Variants in STPG4 observed in about 807,000 individuals in gnomAD.
STPG4 encodes the protein sperm-tail PG-rich repeat containing 4.
In STPG4, 41 loss-of-function variants were observed where a neutral mutation model predicts 31.5. The ratio of observed to expected loss-of-function variants is 1.30; its 90% CI spans 1.01 to 1.69. The LOEUF (loss-of-function observed/expected upper bound fraction) is 1.69. Ranked by LOEUF, STPG4 falls within the 40% of genes most tolerant of loss-of-function variation. STPG4 has a pLI of 0.00. For synonymous variants in STPG4, 141 were observed against 103.0 expected (o/e 1.37, Z -2.24); for missense variants, 375 against 293.4 (o/e 1.28, Z -2.03).
chr2:47,115,353 C>A (rs1686123813), intron 5 of STPG4, among the ~76,000 whole-genome samples: 1 of 152,184 alleles, frequency 6.6e-6, no homozygotes, highest in Admixed American at 6.5e-5. Context: ...CCCATGCCTT[C>A]CTCTTTCTGG....
intron 3 of STPG4, among the ~76,000 whole-genome samples, chr2:47,148,997 A>G (rs1004756863): frequency 6.6e-6 from 1 of 152,248 alleles, no homozygotes; most frequent in Non-Finnish European, 1.5e-5. Context: ...GTATAACAAT[A>G]ATACATACTA....
At chr2:47,126,476 G>T (rs1375099269) in intron 5 of STPG4, among the ~76,000 whole-genome samples, 1 of 152,002 alleles carries the variant, frequency 6.6e-6, no homozygotes, top group Non-Finnish European at 1.5e-5. Context: ...ACAGGTGCAT[G>T]CCATCATGCC....
At chr2:47,096,967 C>T (rs370363675) in intron 5 of STPG4, among the ~76,000 whole-genome samples, 5 of 151,930 alleles carry the variant, frequency 3.3e-5, no homozygotes, top group South Asian at 4.2e-4. Context: ...GGGGAGGCCA[C>T]GGGGAGAGGC....
intron 5 of STPG4, among the ~76,000 whole-genome samples, chr2:47,127,812 G>C (rs1420860856): frequency 1.3e-5 from 2 of 152,168 alleles, no homozygotes; most frequent in African/African-American, 2.4e-5. Flanking sequence ...TCACATATCT[G>C]TGTCACTCTG....
At chr2:47,090,399 T>C in intron 5 of STPG4, 25 bp from the exon 6 acceptor site, 2 of 1,415,874 alleles carry the variant, frequency 1.4e-6, no homozygotes, top group Non-Finnish European at 9.8e-7. Flanking sequence ...AAAAATTGCT[T>C]CATTATTATT....
chr2:47,107,482 G>A (rs958124928), intron 5 of STPG4, among the ~76,000 whole-genome samples: 4 of 152,174 alleles, frequency 2.6e-5, no homozygotes, highest in South Asian at 2.1e-4. Flanking sequence ...CCAGTGCTGC[G>A]CTCGGTTTCT....
chr2:47,096,315 T>A (rs976514625), intron 5 of STPG4, among the ~76,000 whole-genome samples: 1 of 152,150 alleles, frequency 6.6e-6, no homozygotes, highest in African/African-American at 2.4e-5. Flanking sequence ...GAGACGCCTC[T>A]CAAGGAAGTA....
At chr2:47,087,270 C>T in intron 6 of STPG4, 140 bp from the exon 7 acceptor site, 1 of 893,164 alleles carries the variant, frequency 1.1e-6, no homozygotes. Context: ...TGGGCTGAAG[C>T]CTGGCAGACC....
chr2:47,111,825 A>C (rs1686042448), intron 5 of STPG4, among the ~76,000 whole-genome samples: 1 of 152,248 alleles, frequency 6.6e-6, no homozygotes, highest in Non-Finnish European at 1.5e-5. Flanking sequence ...AAAATAACGT[A>C]AATAGCCAAT....
In STPG4 at chr2:47,109,112, C is replaced by G. The variant is rs114518216; in HGVS notation, c.520-18738G>C. On this transcript the variant is annotated intron_variant, in intron 5 of 6. Coordinates refer to ENST00000445927, the MANE Select transcript of STPG4 (RefSeq NM_001163561.2). ...ACCAATACATTCACTCTTCTGTTTC[C>G]AGTCAAGAAATTGTTATAAGAAAGT... 5.6e-3 allele frequency among the ~76,000 whole-genome samples: 850 copies of G among 152,306 alleles called. 7 individuals carry two copies. The highest frequency in any genetic ancestry group is 0.019 in the African/African-American group (807 of 41,556).
intron 5 of STPG4, among the ~76,000 whole-genome samples, chr2:47,114,284 C>G (rs115832445): frequency 5.9e-5 from 9 of 151,976 alleles, no homozygotes; most frequent in Admixed American, 2.6e-4. Flanking sequence ...GTGGGCAGAT[C>G]GCTTGAGGCC....
chr2:47,135,937 A>G (rs2103787844), intron 3 of STPG4, among the ~76,000 whole-genome samples: 1 of 151,922 alleles, frequency 6.6e-6, no homozygotes, highest in East Asian at 1.9e-4. Flanking sequence ...TAACTTTGCT[A>G]TTCTCCTTCA....
chr2:47,106,498 T>C (rs1685914446), intron 5 of STPG4, among the ~76,000 whole-genome samples: 1 of 151,890 alleles, frequency 6.6e-6, no homozygotes, highest in African/African-American at 2.4e-5. Context: ...CTCAGACAGT[T>C]TGCAAGAAAT....
At chr2:47,089,986 T>A (rs115487133) in intron 6 of STPG4, among the ~76,000 whole-genome samples, 4,836 of 152,306 alleles carry the variant, frequency 0.032, 94 homozygotes, top group Non-Finnish European at 0.044. Context: ...GTTGGTAACA[T>A]TGATGGCTGA....
rs57475505 is a variant in STPG4 at position 47,127,252 on chromosome 2, CTTTTTTTTTTTTTTTTT to C, written c.519+2672_519+2688del. ...CAAATAGCTTGTCTTCAAGCTAATTCTTTTTTTTTTTTTTTTTTTTTTTTTTTTTTTTTTGAGACAGA... is the reference window on the plus strand; with the variant it reads ...CAAATAGCTTGTCTTCAAGCTAATTCTTTTTTTTTTTTTTTTTGAGACAGA... On this transcript the variant is annotated intron_variant, in intron 5 of 6. Transcript: ENST00000445927. Among the ~76,000 whole-genome samples, 386 of 57,524 alleles carry C rather than the reference CTTTTTTTTTTTTTTTTT, an allele frequency of 6.7e-3. 8 individuals are homozygous for C. The highest frequency in any genetic ancestry group is 0.036 in the African/African-American group (353 of 9,718). 37.7% of individuals were successfully genotyped at this position (57,524 alleles called of 152,430 possible). A position where few individuals can be genotyped will look rare whatever the true frequency, so the allele number is the denominator to read the frequency against.
At chr2:47,139,812 A>G (rs560434025) in intron 3 of STPG4, among the ~76,000 whole-genome samples, 26 of 152,086 alleles carry the variant, frequency 1.7e-4, no homozygotes, top group African/African-American at 5.5e-4. Flanking sequence ...TTTGCATAGT[A>G]TATCTTTCTC....
In STPG4 at chr2:47,151,503, G is replaced by T. The variant is rs1249636853; in HGVS notation, c.154C>A (p.Pro52Thr). 2.5e-6 allele frequency: 4 copies of T among 1,613,644 alleles called. No homozygotes were observed. The South Asian group carries it at 3.3e-5, about 13-fold the overall frequency. ...WRIALTDTPI[P>T]GTYHLKTFIE... is the part of the protein sequence containing the mutation. ...AAAGTTTTCAAGTGGTAAGTGCCAG[G>T]TATAGGAGTATCCTGTGGAAAATTG... Residue 52 changes from proline to threonine, a missense_variant, in exon 3 of 7, where the codon CCT becomes ACT. Coordinates refer to ENST00000445927, the MANE Select transcript of STPG4 (RefSeq NM_001163561.2).
chr2:47,106,979 C>T (rs1411064344), intron 5 of STPG4, among the ~76,000 whole-genome samples: 1 of 152,014 alleles, frequency 6.6e-6, no homozygotes, highest in Non-Finnish European at 1.5e-5. Context: ...GAGACCTCCC[C>T]TCTGGAGGAC....
Position 47,096,541 on chromosome 2 carries a change from G to A in STPG4, c.520-6167C>T, listed in dbSNP as rs138789628. 5.8e-3 allele frequency among the ~76,000 whole-genome samples: 881 copies of A among 152,314 alleles called. 4 individuals are homozygous for A. Among genetic ancestry groups the A allele is most frequent in the Non-Finnish European group, 7.9e-3 (537 of 68,030 alleles). On this transcript the variant is annotated intron_variant, in intron 5 of 6. Coordinates refer to ENST00000445927, the MANE Select transcript of STPG4 (RefSeq NM_001163561.2). ...ACCAAAGAACAGATGATTAGTGGTC[G>A]CCGAGATATCTTCATCTGTGTGCAA...
Sources: allele counts gnomAD v4.1 joint callset (sites outside exome capture counted in the v4.1 genomes callset), GRCh38; gene constraint gnomAD v4.1.1; transcripts MANE v1.5; gene names NCBI Gene and HGNC (gene_info 2026-07-23, HGNC 2026-07-21).